DCBLD1: variants seen among roughly 807,000 people sequenced by gnomAD.
The protein encoded by DCBLD1 is discoidin, CUB and LCCL domain containing 1, also known as discoidin, CUB and LCCL domain-containing protein 1.
A neutral mutation model predicts 71.5 loss-of-function variants in DCBLD1; 57 were observed. The ratio of observed to expected loss-of-function variants is 0.80; its 90% CI spans 0.64 to 0.99. The LOEUF is 0.99. Among genes scored for constraint, DCBLD1 ranks in the 50% least tolerant of loss-of-function variants. The pLI is 0.00. For synonymous variants in DCBLD1, 380 were observed against 363.8 expected (o/e 1.04, Z -0.51); for missense variants, 891 against 923.5 (o/e 0.96, Z 0.46).
chr6:117,497,134 A>G (rs1777499007), intron 1 of DCBLD1, among the ~76,000 whole-genome samples: 1 of 152,196 alleles, frequency 6.6e-6, no homozygotes, highest in Non-Finnish European at 1.5e-5. Context: ...GGCGGAGGTC[A>G]GTAAGCCGAG....
intron 2 of DCBLD1, among the ~76,000 whole-genome samples, chr6:117,517,004 A>G (rs1284618049): frequency 6.6e-6 from 1 of 152,088 alleles, no homozygotes; most frequent in Non-Finnish European, 1.5e-5. Flanking sequence ...ATGTCCTCAT[A>G]TTTCAAAATC....
At chr6:117,564,885 C>T (rs563443178) in intron 14 of DCBLD1, among the ~76,000 whole-genome samples, 7 of 152,296 alleles carry the variant, frequency 4.6e-5, no homozygotes, top group Non-Finnish European at 1.0e-4. Flanking sequence ...TTTGTGCAGA[C>T]AGTTTACAAC....
rs762426295 is a variant in DCBLD1, at chr6:117,569,758, A to G, written c.*134A>G. On this transcript the variant is annotated 3_prime_UTR_variant, in exon 15 of 15. Coordinates refer to the DCBLD1 transcript ENST00000296955. ...CACCCTAACAACAACAAAGGGCAGT[A>G]AATTAAAGTACTCTTTGTAAGGTAC... 2.6e-6 allele frequency: 4 copies of G among 1,554,786 alleles called. No individual in the cohort carries two copies. The South Asian group carries it at 4.9e-5, about 19-fold the overall frequency.
chr6:117,534,272 CA>C (rs1215624245), intron 6 of DCBLD1, among the ~76,000 whole-genome samples: 1 of 152,136 alleles, frequency 6.6e-6, no homozygotes, highest in Non-Finnish European at 1.5e-5. Flanking sequence ...ATATATATAA[CA>C]TTTTTCACAT....
intron 6 of DCBLD1, among the ~76,000 whole-genome samples, chr6:117,534,510 A>G (rs1462172926): frequency 1.3e-5 from 2 of 152,122 alleles, no homozygotes; most frequent in Non-Finnish European, 2.9e-5. Flanking sequence ...AGGTGCTACC[A>G]CCTCCAAACA....
chr6:117,544,428 C>A, intron 12 of DCBLD1, 100 bp from the exon 13 acceptor site: 1 of 1,152,782 alleles, frequency 8.7e-7, no homozygotes. Flanking sequence ...CTCACATCAA[C>A]CCTATGAGGT....
At chr6:117,498,749 G>C (rs1777549242) in intron 1 of DCBLD1, among the ~76,000 whole-genome samples, 1 of 151,724 alleles carries the variant, frequency 6.6e-6, no homozygotes, top group African/African-American at 2.4e-5. Context: ...TTTTTTGCCA[G>C]GTATTTTAAG....
chr6:117,531,028 C>T (rs1778701208), intron 5 of DCBLD1, among the ~76,000 whole-genome samples: 1 of 152,134 alleles, frequency 6.6e-6, no homozygotes, highest in Non-Finnish European at 1.5e-5. Context: ...AACTGACTCA[C>T]TTTGCCAAAC....
At chr6:117,511,727 C>T (rs79590790) in intron 2 of DCBLD1, among the ~76,000 whole-genome samples, 3,951 of 152,242 alleles carry the variant, frequency 0.026, 78 homozygotes, top group East Asian at 0.051. Flanking sequence ...GAGGGGAAAG[C>T]GCAAGATTGA....
downstream of DCBLD1, among the ~76,000 whole-genome samples, chr6:117,554,056 G>A (rs1221921611): frequency 3.9e-5 from 6 of 152,184 alleles, no homozygotes; most frequent in South Asian, 2.1e-4. Context: ...TAAGTGCCAC[G>A]TGGTGTTAGC....
intron 4 of DCBLD1, among the ~76,000 whole-genome samples, chr6:117,523,419 T>C (rs1303659672): frequency 6.6e-6 from 1 of 152,244 alleles, no homozygotes; most frequent in Non-Finnish European, 1.5e-5. Flanking sequence ...GATTAACATG[T>C]CTTTACATAT....
intron 1 of DCBLD1, among the ~76,000 whole-genome samples, chr6:117,496,465 A>G (rs1215598694): frequency 6.6e-6 from 1 of 152,216 alleles, no homozygotes; most frequent in Non-Finnish European, 1.5e-5. Context: ...TGAGAATGGA[A>G]TTAATGATAT....
chr6:117,496,621 T>G (rs960829099), intron 1 of DCBLD1, among the ~76,000 whole-genome samples: 1 of 152,200 alleles, frequency 6.6e-6, no homozygotes, highest in African/African-American at 2.4e-5. Flanking sequence ...CATGGATGAT[T>G]GTATATGTGT....
Position 117,488,586 on chromosome 6 carries a change from A to G in DCBLD1, c.112+5693A>G, listed in dbSNP as rs150806546. Among the ~76,000 whole-genome samples, 463 of 152,338 alleles carry G rather than the reference A, an allele frequency of 3.0e-3. 1 individual carries two copies. Among genetic ancestry groups the G allele is most frequent in the African/African-American group, 0.011 (453 of 41,580 alleles). On this transcript the variant is annotated intron_variant, in intron 1 of 14. Coordinates refer to ENST00000338728, the MANE Select transcript of DCBLD1 (RefSeq NM_001366458.2). ...CTTGAGCCCAGGAGGCAGCTGTTGCAGTGAGCTGTGATGCTGCCACCGTAC... is the reference window on the plus strand; with the variant it reads ...CTTGAGCCCAGGAGGCAGCTGTTGCGGTGAGCTGTGATGCTGCCACCGTAC...
At chr6:117,551,968 AAAATT>A (rs1317659685), downstream of DCBLD1, among the ~76,000 whole-genome samples, 7 of 152,260 alleles carry the variant, frequency 4.6e-5, no homozygotes, top group South Asian at 1.5e-3. Context: ...CTACAAAAAA[AAAATT>A]AAATTAGCCA....
chr6:117,547,982 A>T lies in DCBLD1; in HGVS notation c.1691A>T (p.Asp564Val). ...TCCACCTTCCGGCCCATGGACACGGATGCCGAGGAGGCAGGGGTGAGCACC... is the reference window on the plus strand; with the variant it reads ...TCCACCTTCCGGCCCATGGACACGGTTGCCGAGGAGGCAGGGGTGAGCACC... ...KGSTFRPMDT[D>V]AEEAGVSTDA... Residue 564 changes from aspartate (D) to valine (V), a missense_variant, in exon 15 of 15, where the codon GAT becomes GTT. Asp to Val is a radical substitution (Grantham distance 152). Coordinates refer to ENST00000338728, the MANE Select transcript of DCBLD1 (RefSeq NM_001366458.2). 4 of 1,550,558 alleles carry T rather than the reference A, an allele frequency of 2.6e-6. No homozygotes were observed. Among genetic ancestry groups the T allele is most frequent in the Non-Finnish European group, 3.5e-6 (4 of 1,146,968 alleles).
intron 2 of DCBLD1, among the ~76,000 whole-genome samples, chr6:117,518,756 A>G (rs1369914500): frequency 6.6e-6 from 1 of 152,140 alleles, no homozygotes; most frequent in Non-Finnish European, 1.5e-5. Context: ...CAGCACGGGA[A>G]ACACCTTCCC....
At chr6:117,559,149 C>T (rs1320690571) in intron 14 of DCBLD1, among the ~76,000 whole-genome samples, 2 of 152,178 alleles carry the variant, frequency 1.3e-5, no homozygotes, top group Non-Finnish European at 2.9e-5. Context: ...TACCTGTTTC[C>T]TCAAATCTCA....
intron 1 of DCBLD1, among the ~76,000 whole-genome samples, chr6:117,502,988 C>T (rs1166495914): frequency 6.6e-6 from 1 of 152,178 alleles, no homozygotes; most frequent in Non-Finnish European, 1.5e-5. Flanking sequence ...TTGCCTCTCT[C>T]CTTTGCATTT....
Sources: gnomAD v4.1 joint callset for allele counts (sites outside exome capture counted in the v4.1 genomes callset) on GRCh38, gnomAD v4.1.1 for gene constraint, MANE v1.5 for transcripts, NCBI Gene and HGNC (gene_info 2026-07-23, HGNC 2026-07-21) for gene names.